MYH16: variants seen among roughly 807,000 people sequenced by gnomAD.
MYH16 encodes myosin heavy chain 16, also known as putative uncharacterized protein MYH16.
chr7:99,271,249 C>T (rs547599130), intron 19 of MYH16, among the ~76,000 whole-genome samples: 2 of 152,342 alleles, frequency 1.3e-5, no homozygotes, highest in Non-Finnish European at 2.9e-5. Flanking sequence ...TGGCTCATGC[C>T]TGTAATCCCA....
At chr7:99,239,427 G>A (rs1791637127) in intron 1 of MYH16, among the ~76,000 whole-genome samples, 1 of 152,210 alleles carries the variant, frequency 6.6e-6, no homozygotes, top group African/African-American at 2.4e-5. Context: ...GCCCCTGGTG[G>A]CATGAGGGCC....
chr7:99,298,767 CT>C (rs112315311), intron 36 of MYH16, among the ~76,000 whole-genome samples: 127 of 143,564 alleles, frequency 8.8e-4, no homozygotes, highest in Admixed American at 1.5e-3. Flanking sequence ...TGTCTTGTCG[CT>C]TTTTTTTTTT....
At chr7:99,259,237 C>T (rs1282222622) in intron 11 of MYH16, among the ~76,000 whole-genome samples, 2 of 152,132 alleles carry the variant, frequency 1.3e-5, no homozygotes, top group Non-Finnish European at 2.9e-5. Context: ...AAACTGCCCT[C>T]AGGCATACGG....
chr7:99,288,237 T>C, intron 29 of MYH16, 100 bp downstream of exon 10: 2 of 413,326 alleles, frequency 4.8e-6, no homozygotes, highest in South Asian at 3.5e-5. Flanking sequence ...AGGCCAGGAG[T>C]TGGGGACCAG....
intron 8 of MYH16, among the ~76,000 whole-genome samples, chr7:99,254,525 G>A (rs1272770630): frequency 6.6e-6 from 1 of 152,248 alleles, no homozygotes; most frequent in East Asian, 1.9e-4. Flanking sequence ...GCCAGTGCTT[G>A]CATGCAGTCC....
chr7:99,309,278 C>G (rs1194896867), downstream of MYH16, among the ~76,000 whole-genome samples: 1 of 152,170 alleles, frequency 6.6e-6, no homozygotes, highest in Non-Finnish European at 1.5e-5. Context: ...ACTGAATCAA[C>G]AGCTTGTTGA....
chr7:99,256,093 T>G (rs1194495159), intron 9 of MYH16, among the ~76,000 whole-genome samples: 1 of 151,986 alleles, frequency 6.6e-6, no homozygotes, highest in African/African-American at 2.4e-5. Flanking sequence ...CAGAATCGAT[T>G]CCTGATTTAT....
At chr7:99,267,418 T>TG (rs1791998476) in intron 18 of MYH16, among the ~76,000 whole-genome samples, 1 of 152,086 alleles carries the variant, frequency 6.6e-6, no homozygotes, top group South Asian at 2.1e-4. Context: ...TTTGTAGAGA[T>TG]GGGGTCTCAC....
intron 11 of MYH16, among the ~76,000 whole-genome samples, chr7:99,259,313 T>A: frequency 6.6e-6 from 1 of 152,170 alleles, no homozygotes; most frequent in Non-Finnish European, 1.5e-5. Context: ...ATTTCTTCAA[T>A]GATTTCTGTT....
chr7:99,285,035 G>A, intron 26 of MYH16, 100 bp downstream of exon 8: 1 of 443,774 alleles, frequency 2.3e-6, no homozygotes. Context: ...TTCCTGAGGA[G>A]CAAGACTGCC....
At chr7:99,246,238 A>G (rs1305102675) in intron 2 of MYH16, among the ~76,000 whole-genome samples, 5 of 151,728 alleles carry the variant, frequency 3.3e-5, no homozygotes, top group African/African-American at 4.8e-5. Context: ...AGAAAAAAAA[A>G]AGAGAAAGAA....
At chr7:99,310,190 G>A (rs1284153900), downstream of MYH16, among the ~76,000 whole-genome samples, 2 of 152,218 alleles carry the variant, frequency 1.3e-5, no homozygotes, top group South Asian at 2.1e-4. Context: ...AAGGTGGGAT[G>A]TGCACAAGGG....
At chr7:99,295,159 G>GCCTGA (rs1192137422) in intron 33 of MYH16, among the ~76,000 whole-genome samples, 1 of 151,978 alleles carries the variant, frequency 6.6e-6, no homozygotes, top group Admixed American at 6.6e-5. Context: ...CAGGCGGATT[G>GCCTGA]CCTGAGCTCA....
downstream of MYH16, among the ~76,000 whole-genome samples, chr7:99,310,581 G>C (rs1792746479): frequency 2.0e-5 from 3 of 152,152 alleles, no homozygotes; most frequent in Admixed American, 1.3e-4. Context: ...TAACTCAACA[G>C]TATCCATTAC....
chr7:99,256,994 C>T (rs2150809797), intron 9 of MYH16, among the ~76,000 whole-genome samples: 1 of 152,332 alleles, frequency 6.6e-6, no homozygotes, highest in East Asian at 1.9e-4. Context: ...CTTTCTTGAG[C>T]ACTTACTATG....
chr7:99,292,552 G>A (rs750243018), intron 32 of MYH16, 44 bp downstream of exon 13: 6 of 449,358 alleles, frequency 1.3e-5, no homozygotes, highest in Non-Finnish European at 2.2e-5. Context: ...GGGCTGGGCA[G>A]GTGGTGCTGG....
chr7:99,296,430 C>T (rs1792493203), intron 33 of MYH16, among the ~76,000 whole-genome samples: 1 of 151,956 alleles, frequency 6.6e-6, no homozygotes, highest in Non-Finnish European at 1.5e-5. Context: ...CCTCATTTTA[C>T]ACCTGAGAGA....
intron 18 of MYH16, chr7:99,270,815 T>C (rs1792037428): frequency 6.6e-6 from 1 of 151,772 alleles, no homozygotes; most frequent in Admixed American, 6.6e-5. Context: ...GCTCGGGAGG[T>C]TGAGGCTGCA....
chr7:99,304,037 G>A (rs1792646250), intron 39 of MYH16, among the ~76,000 whole-genome samples: 1 of 152,098 alleles, frequency 6.6e-6, no homozygotes, highest in Non-Finnish European at 1.5e-5. Flanking sequence ...GAAGATGAAG[G>A]AATACAGATT....
Sources: gnomAD v4.1 joint callset for allele counts (sites outside exome capture counted in the v4.1 genomes callset) on GRCh38, gnomAD v4.1.1 for gene constraint, MANE v1.5 for transcripts, NCBI Gene and HGNC (gene_info 2026-07-23, HGNC 2026-07-21) for gene names.